The following PTAFR variants were observed in gnomAD, a reference collection of about 807,000 sequenced individuals.
PTAFR encodes the protein platelet-activating factor receptor.
Under a neutral mutation model 14.7 loss-of-function variants are expected in PTAFR, and 8 were observed. The ratio of observed to expected loss-of-function variants is 0.54; its 90% CI spans 0.32 to 0.98. The LOEUF is 0.98. Ranked by LOEUF, PTAFR falls within the 50% of genes least tolerant of loss-of-function variation. The pLI, the probability that PTAFR is intolerant of heterozygous loss-of-function variation, is 0.04. For synonymous variants in PTAFR, 156 were observed against 176.5 expected (o/e 0.88, Z 0.92); for missense variants, 337 against 451.2 (o/e 0.75, Z 2.29).
Position 28,169,199 on chromosome 1 carries a change from C to T in PTAFR, c.-39+7393G>A, listed in dbSNP as rs1190233624. Among the ~76,000 whole-genome samples the T allele has an allele frequency of 2.0e-5, 3 of 151,516 alleles. No homozygotes were observed. In the East Asian group the frequency reaches 5.8e-4, roughly 29 times the overall value. On this transcript the variant is annotated intron_variant, in intron 1 of 1. Coordinates refer to ENST00000373857, the MANE Select transcript of PTAFR (RefSeq NM_000952.5). ...TCACTTGAGCCCAGGAGTTTGAGAC[C>T]AGTCTGGACAACATAGCAACACCCC...
At chr1:28,153,443 T>C (rs1010509182) in intron 1 of PTAFR, among the ~76,000 whole-genome samples, 1 of 150,772 alleles carries the variant, frequency 6.6e-6, no homozygotes. Flanking sequence ...TATCTAATAG[T>C]GTAGTAAAAA....
At chr1:28,186,935 T>C (rs1371849439) in intron 1 of PTAFR, among the ~76,000 whole-genome samples, 1 of 152,024 alleles carries the variant, frequency 6.6e-6, no homozygotes, top group Non-Finnish European at 1.5e-5. Flanking sequence ...AATCAATCAA[T>C]CAATCAATCA....
At chr1:28,165,643 C>T (rs1210345023) in intron 1 of PTAFR, among the ~76,000 whole-genome samples, 2 of 151,556 alleles carry the variant, frequency 1.3e-5, no homozygotes, top group Non-Finnish European at 2.9e-5. Flanking sequence ...ATTAGCCAGG[C>T]GTGGTGGCAG....
chr1:28,173,181 G>T (rs1341773594), intron 1 of PTAFR, among the ~76,000 whole-genome samples: 1 of 151,120 alleles, frequency 6.6e-6, no homozygotes, highest in Non-Finnish European at 1.5e-5. Flanking sequence ...CTGGCTACTT[G>T]GGTGGCTAAA....
intron 1 of PTAFR, among the ~76,000 whole-genome samples, chr1:28,184,860 G>A (rs1190533710): frequency 2.0e-5 from 3 of 151,978 alleles, no homozygotes; most frequent in Non-Finnish European, 4.4e-5. Context: ...GGCTGGTCTC[G>A]AACTCATGAC....
intron 1 of PTAFR, among the ~76,000 whole-genome samples, 160 bp downstream of exon 1, chr1:28,176,432 G>C (rs536795384): frequency 7.8e-6 from 1 of 128,926 alleles, no homozygotes; most frequent in Non-Finnish European, 1.6e-5. Context: ...AACAGAGTGA[G>C]AGACCCTGTC....
chr1:28,177,548 C>T (rs1646528014), upstream of PTAFR, among the ~76,000 whole-genome samples: 1 of 152,172 alleles, frequency 6.6e-6, no homozygotes, highest in South Asian at 2.1e-4. Context: ...GCCACTGAGC[C>T]TGGCCCTGTG....
chr1:28,182,341 G>A (rs563733765), intron 1 of PTAFR, among the ~76,000 whole-genome samples: 1 of 139,144 alleles, frequency 7.2e-6, no homozygotes, highest in African/African-American at 2.6e-5. Context: ...GTCAAAAAAA[G>A]AAAGAGAGAG....
chr1:28,163,705 T>A (rs1322573615), intron 1 of PTAFR, among the ~76,000 whole-genome samples: 1 of 152,148 alleles, frequency 6.6e-6, no homozygotes, highest in African/African-American at 2.4e-5. Context: ...TGACCAAGCC[T>A]CCCTCTCCCC....
At chr1:28,174,236 T>G (rs775706408) in intron 1 of PTAFR, among the ~76,000 whole-genome samples, 9 of 151,980 alleles carry the variant, frequency 5.9e-5, no homozygotes, top group Non-Finnish European at 1.3e-4. Flanking sequence ...CCTAGGCCCA[T>G]CAAGGGGTGC....
chr1:28,171,595 G>A (rs913049598), intron 1 of PTAFR, among the ~76,000 whole-genome samples: 2 of 152,104 alleles, frequency 1.3e-5, no homozygotes, highest in Non-Finnish European at 2.9e-5. Flanking sequence ...GGGGAATTCT[G>A]TGCCAGGCTC....
chr1:28,153,488 G>C (rs1462652856), intron 1 of PTAFR, among the ~76,000 whole-genome samples: 1 of 148,822 alleles, frequency 6.7e-6, no homozygotes, highest in Non-Finnish European at 1.5e-5. Context: ...GCTCACGCCT[G>C]TAATCCCAAC....
Position 28,153,987 on chromosome 1 carries a change from G to GTCC in PTAFR, c.-38-2929_-38-2928insGGA, listed in dbSNP as rs752686837. Among the ~76,000 whole-genome samples, 375 of 150,120 alleles carry GTCC rather than the reference G, an allele frequency of 2.5e-3. 1 individual carries two copies. Among genetic ancestry groups the GTCC allele is most frequent in the Non-Finnish European group, 4.0e-3 (270 of 67,582 alleles). Reference sequence around the variant, plus strand: ...GAGGATCGCTGGAGCCCGGGAGGCAGAGGTTGCAGTGAGCGGAGATTGTGC... The same window carrying GTCC: ...GAGGATCGCTGGAGCCCGGGAGGCAGTCCAGGTTGCAGTGAGCGGAGATTGTGC... On this transcript the variant is annotated intron_variant, in intron 1 of 1. Coordinates refer to ENST00000373857, the MANE Select transcript of PTAFR (RefSeq NM_000952.5).
intron 1 of PTAFR, among the ~76,000 whole-genome samples, chr1:28,183,771 C>T (rs1646581785): frequency 6.6e-6 from 1 of 152,092 alleles, no homozygotes; most frequent in African/African-American, 2.4e-5. Context: ...CTGTTAATCC[C>T]AGCTACTCAA....
chr1:28,182,152 A>T (rs1019328727), intron 1 of PTAFR, among the ~76,000 whole-genome samples: 5 of 152,088 alleles, frequency 3.3e-5, no homozygotes, highest in African/African-American at 7.2e-5. Context: ...CCTGGCCAAC[A>T]TGGTGAAACC....
rs1646165598 is a variant in PTAFR at position 28,150,278 on chromosome 1, G to A, written c.744C>T (p.His248=). Residue 248 remains histidine, a synonymous_variant, in exon 2 of 2, where the codon CAC becomes CAT. Transcript: ENST00000373857. The surrounding 1 kb of genome is among the most constrained non-coding windows in gnomAD (Gnocchi z 6.3). ...GGGTCCAGGGCAGCTGCACCACGTG[G>A]TGGGGCACGAAGCAGATGATGAACA... The part of the protein sequence containing the change: ...LAVFIICFVP[H]HVVQLPWTLA... 4.3e-6 allele frequency: 7 copies of A among 1,612,160 alleles called. No homozygotes were observed. Among genetic ancestry groups the A allele is most frequent in the Non-Finnish European group, 5.9e-6 (7 of 1,178,458 alleles).
At chr1:28,159,675 T>C (rs1646301978) in intron 1 of PTAFR, among the ~76,000 whole-genome samples, 1 of 151,610 alleles carries the variant, frequency 6.6e-6, no homozygotes, top group African/African-American at 2.4e-5. Flanking sequence ...CCATCTCTAA[T>C]AAAAATACAA....
At chr1:28,168,197 T>TGCTGACCTCGTGATCC (rs1553165284) in intron 1 of PTAFR, among the ~76,000 whole-genome samples, 1 of 148,908 alleles carries the variant, frequency 6.7e-6, no homozygotes, top group Non-Finnish European at 1.5e-5. Flanking sequence ...GGTCTCAATC[T>TGCTGACCTCGTGATCC]GCTGACCTCG....
At chr1:28,177,947 C>A (rs1646531446), upstream of PTAFR, among the ~76,000 whole-genome samples, 1 of 152,048 alleles carries the variant, frequency 6.6e-6, no homozygotes, top group African/African-American at 2.4e-5. Flanking sequence ...AGTCCATTTA[C>A]CCACTCATTC....
Sources: gnomAD v4.1 joint callset for allele counts (sites outside exome capture counted in the v4.1 genomes callset) on GRCh38, gnomAD v4.1.1 for gene constraint, Gnocchi (gnomAD v3.1) non-coding constraint, MANE v1.5 for transcripts, NCBI Gene and HGNC (gene_info 2026-07-23, HGNC 2026-07-21) for gene names.